Variants in OSBPL8 observed in about 807,000 individuals in gnomAD.
OSBPL8 encodes oxysterol-binding protein-related protein 8.
In OSBPL8, 59 loss-of-function variants were observed where a neutral mutation model predicts 125.5. The observed-to-expected ratio is 0.47, with a 90% confidence interval of 0.38 to 0.58. OSBPL8 has a LOEUF of 0.58. OSBPL8 is among the 20% of genes least tolerant of loss of function. The pLI, the probability that OSBPL8 is intolerant of heterozygous loss-of-function variation, is 0.00. For synonymous variants in OSBPL8, 330 were observed against 338.9 expected (o/e 0.97, Z 0.29); for missense variants, 758 against 1,047.8 (o/e 0.72, Z 3.82).
intron 5 of OSBPL8, among the ~76,000 whole-genome samples, chr12:76,409,089 T>C (rs1189736927): frequency 3.3e-5 from 5 of 152,148 alleles, no homozygotes; most frequent in Non-Finnish European, 7.3e-5. Flanking sequence ...ACAGATCATG[T>C]AAAATGATTG....
chr12:76,538,111 A>G (rs988379963), intron 1 of OSBPL8: 4 of 152,176 alleles, frequency 2.6e-5, no homozygotes, highest in African/African-American at 9.7e-5. Flanking sequence ...GGCCATACCA[A>G]TTAGAGACCT....
chr12:76,464,531 GATTTT>G (rs1409489517), intron 2 of OSBPL8, among the ~76,000 whole-genome samples: 1 of 152,096 alleles, frequency 6.6e-6, no homozygotes, highest in Non-Finnish European at 1.5e-5. Flanking sequence ...AAAAAAAAGT[GATTTT>G]ATTTTATTGT....
chr12:76,429,662 T>C (rs1675240850), intron 4 of OSBPL8, among the ~76,000 whole-genome samples: 1 of 152,182 alleles, frequency 6.6e-6, no homozygotes, highest in Non-Finnish European at 1.5e-5. Context: ...CTCAATAAAT[T>C]CAAACAACAA....
At chr12:76,368,776 A>C (rs147536601) in intron 21 of OSBPL8, among the ~76,000 whole-genome samples, 184 of 151,462 alleles carry the variant, frequency 1.2e-3, no homozygotes, top group African/African-American at 4.2e-3. Flanking sequence ...CTCAGAGATG[A>C]GTGCCTGTGT....
chr12:76,383,017 A>G (rs536146387), intron 15 of OSBPL8, among the ~76,000 whole-genome samples: 3 of 152,246 alleles, frequency 2.0e-5, no homozygotes, highest in Non-Finnish European at 4.4e-5. Context: ...ATGTATTAAA[A>G]GGAAAAAATA....
intron 1 of OSBPL8, among the ~76,000 whole-genome samples, chr12:76,508,912 A>G (rs1235046038): frequency 6.6e-6 from 1 of 152,196 alleles, no homozygotes; most frequent in Non-Finnish European, 1.5e-5. Flanking sequence ...AACAATAAGT[A>G]TAAGTAGATG....
intron 1 of OSBPL8, among the ~76,000 whole-genome samples, chr12:76,502,577 A>C (rs1880012764): frequency 6.6e-6 from 1 of 152,182 alleles, no homozygotes; most frequent in African/African-American, 2.4e-5. Context: ...ATACGATGGG[A>C]TATTTCAGAT....
intron 2 of OSBPL8, among the ~76,000 whole-genome samples, chr12:76,481,863 T>G (rs1178174515): frequency 1.3e-5 from 2 of 152,236 alleles, no homozygotes; most frequent in African/African-American, 4.8e-5. Flanking sequence ...AAAATGTTGC[T>G]AATTTTTATA....
At chr12:76,379,231 GCTTTAAA>G in intron 15 of OSBPL8, among the ~76,000 whole-genome samples, 1 of 152,056 alleles carries the variant, frequency 6.6e-6, no homozygotes, top group South Asian at 2.1e-4. Context: ...CAAATCTCAA[GCTTTAAA>G]TGCTTATAAT....
At chr12:76,429,637 GT>G (rs1870574505) in intron 4 of OSBPL8, among the ~76,000 whole-genome samples, 1 of 152,084 alleles carries the variant, frequency 6.6e-6, no homozygotes, top group Admixed American at 6.6e-5. Context: ...TTTCATGAGT[GT>G]TTTTGTGTAT....
chr12:76,481,538 G>C (rs945013615), intron 2 of OSBPL8, among the ~76,000 whole-genome samples: 4 of 152,122 alleles, frequency 2.6e-5, no homozygotes, highest in African/African-American at 9.7e-5. Context: ...GCTGAGGTGG[G>C]AGGATCACTT....
chr12:76,484,440 AT>A (rs1420920103), intron 2 of OSBPL8, among the ~76,000 whole-genome samples: 2 of 152,242 alleles, frequency 1.3e-5, no homozygotes, highest in African/African-American at 4.8e-5. Context: ...AGAAGGCTTA[AT>A]ATTAATAGTT....
At chr12:76,409,743 T>C (rs1186666395) in intron 5 of OSBPL8, among the ~76,000 whole-genome samples, 1 of 152,118 alleles carries the variant, frequency 6.6e-6, no homozygotes, top group Non-Finnish European at 1.5e-5. Flanking sequence ...TTATGTAAAA[T>C]CATACATAAA....
At chr12:76,435,465 T>C (rs918035071) in intron 4 of OSBPL8, among the ~76,000 whole-genome samples, 1 of 152,236 alleles carries the variant, frequency 6.6e-6, no homozygotes, top group African/African-American at 2.4e-5. Context: ...GAATAAGTTC[T>C]GGGGATCTAA....
intron 21 of OSBPL8, among the ~76,000 whole-genome samples, chr12:76,366,272 A>C (rs923910271): frequency 2.6e-5 from 4 of 151,882 alleles, no homozygotes; most frequent in African/African-American, 9.7e-5. Context: ...CTCTATTGAG[A>C]TTTTCTATTT....
rs1168320821 is a variant in OSBPL8, at chr12:76,355,993, C to T, written c.2566G>A (p.Val856Ile). The change falls in exon 24 of 24, where the codon GTT becomes ATT. Residue 856 changes from valine to isoleucine, a missense_variant. By Grantham distance (29) the Val-to-Ile change is conservative (BLOSUM62 3). Transcript: ENST00000261183. ...RNIMALRNHL[V>I]SSTPATDYFL... ...TAATCCGTGGCCGGTGTGCTTGAAACTAAATGATTTCGAAGAGCCATAATA... is the reference window on the plus strand; with the variant it reads ...TAATCCGTGGCCGGTGTGCTTGAAATTAAATGATTTCGAAGAGCCATAATA... 6.2e-7 allele frequency: 1 copy of T among 1,612,140 alleles called. No individual in the cohort carries two copies.
chr12:76,384,979 AACT>A (rs1565848250), intron 14 of OSBPL8, among the ~76,000 whole-genome samples: 1 of 152,218 alleles, frequency 6.6e-6, no homozygotes, highest in Non-Finnish European at 1.5e-5. Context: ...AGCAATGGAT[AACT>A]AATACAGTGA....
chr12:76,443,462 CA>C (rs1872420338), intron 4 of OSBPL8, among the ~76,000 whole-genome samples: 1 of 152,040 alleles, frequency 6.6e-6, no homozygotes, highest in African/African-American at 2.4e-5. Flanking sequence ...TAGTTAAAAG[CA>C]GAGGAGGAAA....
chr12:76,489,326 T>C (rs1263914274), intron 1 of OSBPL8, among the ~76,000 whole-genome samples: 1 of 152,254 alleles, frequency 6.6e-6, no homozygotes, highest in Non-Finnish European at 1.5e-5. Context: ...AATAGCCTTC[T>C]ATTAGAAGAT....
Sources: allele counts gnomAD v4.1 joint callset (sites outside exome capture counted in the v4.1 genomes callset), GRCh38; gene constraint gnomAD v4.1.1; transcripts MANE v1.5; gene names NCBI Gene and HGNC (gene_info 2026-07-23, HGNC 2026-07-21).